Variants in INTS1 observed in about 807,000 individuals in gnomAD.
The protein encoded by INTS1 is integrator complex subunit 1.
A neutral mutation model predicts 241.6 loss-of-function variants in INTS1; 137 were observed. That is an observed-to-expected ratio of 0.57 (90% CI 0.49 to 0.65). INTS1 has a LOEUF of 0.65. INTS1 is among the 30% of genes least tolerant of loss of function. The probability of loss-of-function intolerance (pLI) is 0.00; values close to 1 mark genes in which losing one functional copy is unlikely to be tolerated. For synonymous variants in INTS1, 1,692 were observed against 1,337.8 expected (o/e 1.26, Z -5.78); for missense variants, 3,073 against 3,032.2 (o/e 1.01, Z -0.32).
Position 1,481,080 on chromosome 7 carries a change from C to A in INTS1, c.3851-147G>T. On this transcript the variant is annotated intron_variant, in intron 28 of 47. Transcript: ENST00000404767. This position sits in a 1 kb window ranked among gnomAD's most constrained non-coding sequence, Gnocchi z 6.8. ...AGAAGCTGGGTGAGCTCAGTCAGCA[C>A]TGAGGCCCCAACAGCTCCCTCCAAG... 1 of 703,962 alleles carries A rather than the reference C, an allele frequency of 1.4e-6. No homozygotes were observed. Among genetic ancestry groups the A allele is most frequent in the South Asian group, 1.7e-5 (1 of 57,260 alleles). 43.6% of individuals were successfully genotyped at this position (703,962 alleles called of 1,614,324 possible). A position where few individuals can be genotyped will look rare whatever the true frequency, so the allele number is the denominator to read the frequency against.
intron 3 of INTS1, 22 bp downstream of exon 3, chr7:1,502,879 G>A (rs374858370): frequency 3.1e-6 from 5 of 1,612,526 alleles, no homozygotes; most frequent in Non-Finnish European, 4.2e-6. Flanking sequence ...GTGTTCTCGG[G>A]GGATGTCCAC....
At chr7:1,492,677 T>C (rs1268687567) in intron 16 of INTS1, among the ~76,000 whole-genome samples, 1 of 152,212 alleles carries the variant, frequency 6.6e-6, no homozygotes, top group African/African-American at 2.4e-5. Context: ...AAGGTATGAC[T>C]GAGCTGGAGA....
chr7:1,478,343 A>G (rs1781827336), intron 33 of INTS1, 23 bp downstream of exon 33: 1 of 1,609,066 alleles, frequency 6.2e-7, no homozygotes. Flanking sequence ...CCGTGGCCCA[A>G]GAGGATGGTG....
chr7:1,478,921 G>C, intron 31 of INTS1, 36 bp from the exon 32 acceptor site: 3 of 1,574,040 alleles, frequency 1.9e-6, no homozygotes, highest in Non-Finnish European at 1.7e-6. Flanking sequence ...TACCCTGGCA[G>C]AGGACACACG....
At position 1,498,805 on chromosome 7, in the gene INTS1, GCAGTT is replaced by G; in HGVS notation, c.1180_1184del (p.Asn394GlnfsTer54). 6.2e-7 allele frequency: 1 copy of G among 1,604,680 alleles called. No individual in the cohort carries two copies. Among genetic ancestry groups the G allele is most frequent in the Non-Finnish European group, 8.5e-7 (1 of 1,176,140 alleles). ...CCATGTCTTCGGAACCGTGCGTGTT[GCAGTT>G]CATGCAGACGGACATCAGCAGGTCC... is the stretch of plus-strand genomic sequence containing the variant. On this transcript the variant is annotated frameshift_variant, in exon 9 of 48. Transcript: ENST00000404767. LOFTEE classifies it high-confidence loss of function.
Position 1,497,373 on chromosome 7 carries a change from C to A in INTS1, c.1426-59G>T. The A allele has an allele frequency of 1.3e-6, 2 of 1,538,396 alleles. No homozygotes were observed. Among genetic ancestry groups the A allele is most frequent in the East Asian group, 2.3e-5 (1 of 43,538 alleles). ...CGACAGTGCTGTCCCTGTCACAGGC[C>A]CCTTCCCGCAGCACCAACAGGTATG... On this transcript the variant is annotated intron_variant, in intron 10 of 47. Transcript: ENST00000404767. The surrounding 1 kb of genome is among the most constrained non-coding windows in gnomAD (Gnocchi z 5.3).
intron 27 of INTS1, 81 bp downstream of exon 27, chr7:1,482,465 T>C (rs1782041539): frequency 7.1e-7 from 1 of 1,417,792 alleles, no homozygotes; most frequent in African/African-American, 1.4e-5. Flanking sequence ...AGCCGGAGGC[T>C]GCCCAGGCCC....
At chr7:1,488,970 G>A (rs1218598862) in intron 18 of INTS1, among the ~76,000 whole-genome samples, 2 of 152,144 alleles carry the variant, frequency 1.3e-5, no homozygotes, top group African/African-American at 4.8e-5. Context: ...CACTGGGCCT[G>A]GCTCCATCCT....
chr7:1,495,130 C>T (rs954982391), intron 13 of INTS1, among the ~76,000 whole-genome samples: 3 of 133,014 alleles, frequency 2.3e-5, no homozygotes, highest in Admixed American at 1.5e-4. Flanking sequence ...TTTACAAAAT[C>T]GCTGCAGAGA....
chr7:1,484,186 G>T lies in INTS1; in HGVS notation c.3262-16C>A, dbSNP rs199497658. The T allele has an allele frequency of 2.5e-6, 4 of 1,597,846 alleles. No homozygotes were observed. Among genetic ancestry groups the T allele is most frequent in the Non-Finnish European group, 3.4e-6 (4 of 1,170,568 alleles). ...GGGCCACGTCCTGGTGTGTGGACAG[G>T]GGGGCGTCAGAGGCTCCGAGACAGC... On this transcript the variant is annotated splice_polypyrimidine_tract_variant and intron_variant, in intron 24 of 47. Transcript: ENST00000404767.
intron 16 of INTS1, among the ~76,000 whole-genome samples, chr7:1,490,970 G>T (rs1459562771): frequency 1.3e-5 from 2 of 152,212 alleles, no homozygotes; most frequent in Admixed American, 6.5e-5. Flanking sequence ...CCACCGACAG[G>T]GCGCCAAGAC....
chr7:1,477,780 C>T lies in INTS1; in HGVS notation c.4787G>A (p.Gly1596Glu). 1 of 1,612,442 alleles carries T rather than the reference C, an allele frequency of 6.2e-7. No homozygotes were observed. Among genetic ancestry groups the T allele is most frequent in the Non-Finnish European group, 8.5e-7 (1 of 1,179,780 alleles). ...LLLQEEEPLAGGKPGADGGSL... is the reference protein window; with the variant it reads ...LLLQEEEPLAEGKPGADGGSL... ...GCCACCGTCCGCACCCGGCTTCCCC[C>T]CAGCCAGGGGCTCCTCCTCCTGCAG... Residue 1596 changes from glycine (G) to glutamate (E), a missense_variant, in exon 34 of 48, where the codon GGG becomes GAG. Coordinates refer to ENST00000404767, the MANE Select transcript of INTS1 (RefSeq NM_001080453.3).
rs371492368 is a variant in INTS1, at chr7:1,487,762, G to A, written c.2514C>T (p.Pro838=). The A allele has an allele frequency of 1.2e-5, 20 of 1,607,764 alleles. No individual in the cohort carries two copies. The East Asian group carries it at 1.6e-4, about 13-fold the overall frequency. Reference sequence around the variant, plus strand: ...GCGGGGCTGTGTGGGCTGCGTACTGGGGGTCCAGGCTGGTGAGCTGCGACA... The same window carrying A: ...GCGGGGCTGTGTGGGCTGCGTACTGAGGGTCCAGGCTGGTGAGCTGCGACA... ...LLLSQLTSLD[P]QGPPRRPPPH... Residue 838 remains proline (P), a splice_region_variant and synonymous_variant, in exon 19 of 48, where the codon CCC becomes CCT. Coordinates refer to ENST00000404767, the MANE Select transcript of INTS1 (RefSeq NM_001080453.3).
At position 1,481,689 on chromosome 7, in the gene INTS1, G is replaced by A. The variant is rs573752892; in HGVS notation, c.3704-201C>T. Among the ~76,000 whole-genome samples the A allele has an allele frequency of 2.7e-4, 39 of 146,756 alleles. No homozygotes were observed. In the East Asian group the frequency reaches 4.4e-3, roughly 17 times the overall value. On this transcript the variant is annotated intron_variant, in intron 27 of 47. Coordinates refer to ENST00000404767, the MANE Select transcript of INTS1 (RefSeq NM_001080453.3). This position sits in a 1 kb window ranked among gnomAD's most constrained non-coding sequence, Gnocchi z 6.8. ...CTGAGACCCTGGGCCACGTGGGCTCGGTGACCCCACCCAAGACCTGGGGCA... is the reference window on the plus strand; with the variant it reads ...CTGAGACCCTGGGCCACGTGGGCTCAGTGACCCCACCCAAGACCTGGGGCA...
Position 1,497,511 on chromosome 7 carries a change from T to C in INTS1, c.1426-197A>G, listed in dbSNP as rs762857877. On this transcript the variant is annotated intron_variant, in intron 10 of 47. Coordinates refer to ENST00000404767, the MANE Select transcript of INTS1 (RefSeq NM_001080453.3). The surrounding 1 kb of genome is among the most constrained non-coding windows in gnomAD (Gnocchi z 5.3). Reference sequence around the variant, plus strand: ...GCAGGGATCACATCTGATTCCCCTCTCTGAGAACCGGCAGGTGGGGAGTCG... The same window carrying C: ...GCAGGGATCACATCTGATTCCCCTCCCTGAGAACCGGCAGGTGGGGAGTCG... 5.9e-5 allele frequency among the ~76,000 whole-genome samples: 9 copies of C among 152,132 alleles called. No homozygotes were observed. Among genetic ancestry groups the C allele is most frequent in the Admixed American group, 3.3e-4 (5 of 15,274 alleles).
At position 1,481,868 on chromosome 7, in the gene INTS1, A is replaced by G; in HGVS notation, c.3704-380T>C. Among the ~76,000 whole-genome samples, 1 of 152,042 alleles carries G rather than the reference A, an allele frequency of 6.6e-6. No homozygotes were observed. ...GGGACCACCTTGCACCCTGGATGGC[A>G]GCTGTGTGGGCCCCATCCCCAGGGG... On this transcript the variant is annotated intron_variant, in intron 27 of 47. Coordinates refer to ENST00000404767, the MANE Select transcript of INTS1 (RefSeq NM_001080453.3). This position sits in a 1 kb window ranked among gnomAD's most constrained non-coding sequence, Gnocchi z 6.8.
chr7:1,496,702 A>C lies in INTS1; in HGVS notation c.1602+436T>G. On this transcript the variant is annotated intron_variant, in intron 11 of 47. Coordinates refer to ENST00000404767, the MANE Select transcript of INTS1 (RefSeq NM_001080453.3). The stretch of plus-strand genomic sequence containing the variant: ...CAGAGATCCACAAAGCCCCGTCCGC[A>C]AAACAGGCCACCCCGGCAGGCTGGC... 1.3e-5 allele frequency among the ~76,000 whole-genome samples: 2 copies of C among 152,152 alleles called. 1 individual carries two copies. Among genetic ancestry groups the C allele is most frequent in the African/African-American group, 4.8e-5 (2 of 41,446 alleles).
At chr7:1,488,339 C>A (rs573184271) in intron 18 of INTS1, among the ~76,000 whole-genome samples, 1 of 152,190 alleles carries the variant, frequency 6.6e-6, no homozygotes, top group South Asian at 2.1e-4. Flanking sequence ...GACAGACCTG[C>A]AGGGCAGGGA....
chr7:1,499,403 C>T, intron 6 of INTS1, 43 bp from the exon 7 acceptor site: 1 of 1,541,552 alleles, frequency 6.5e-7, no homozygotes, highest in East Asian at 2.3e-5. Context: ...CTCCCACCCG[C>T]CCATCCTCCC....
Sources: gnomAD v4.1 joint callset for allele counts (sites outside exome capture counted in the v4.1 genomes callset) on GRCh38, gnomAD v4.1.1 for gene constraint, Gnocchi (gnomAD v3.1) non-coding constraint, MANE v1.5 for transcripts, NCBI Gene and HGNC (gene_info 2026-07-23, HGNC 2026-07-21) for gene names.